CBR1: variants seen among roughly 807,000 people sequenced by gnomAD.
CBR1 encodes the protein carbonyl reductase 1.
A neutral mutation model predicts 10.6 loss-of-function variants in CBR1; 11 were observed. The observed-to-expected ratio is 1.03, with a 90% CI of 0.65 to 1.71. The LOEUF is 1.71. CBR1 is among the 40% of genes most tolerant of loss of function. CBR1 has a pLI of 0.00. For synonymous variants in CBR1, 158 were observed against 156.7 expected, an observed-to-expected ratio of 1.01 and a Z score of -0.06; for missense variants, 361 against 368.6, an observed-to-expected ratio of 0.98 and a Z score of 0.17.
In CBR1 at chr21:36,073,120, TAATG is replaced by T. The variant is rs1248290007; in HGVS notation, c.*245_*248del. On this transcript the variant is annotated 3_prime_UTR_variant, in exon 3 of 3. Coordinates refer to ENST00000290349, the MANE Select transcript of CBR1 (RefSeq NM_001757.4). ...GAGGAAAAATTGTAATTGATGAAAA[TAATG>T]AATGAAAATCAACAGATGAATAAAT... The T allele has an allele frequency of 4.1e-5, 17 of 416,950 alleles. No individual in the cohort carries two copies. Among genetic ancestry groups the T allele is most frequent in the Admixed American group, 2.8e-4 (7 of 25,244 alleles). The allele number at this position is 416,950 out of a possible 1,614,324, so 25.8% of individuals were successfully genotyped here.
At chr21:36,072,172 A>G in intron 2 of CBR1, 1 of 1,549,550 alleles carries the variant, frequency 6.5e-7, no homozygotes, top group Non-Finnish European at 8.7e-7. Flanking sequence ...CGTCCTGTTA[A>G]GTTGTGCTAC....
intron 1 of CBR1, 72 bp from the exon 2 acceptor site, chr21:36,070,878 T>TTTTTTATCA: frequency 1.1e-6 from 1 of 901,768 alleles, no homozygotes. Flanking sequence ...TTTTTTTTTT[T>TTTTTTATCA]TTAGTATCAT....
intron 1 of CBR1, among the ~76,000 whole-genome samples, 155 bp from the exon 2 acceptor site, chr21:36,070,795 T>C (rs112597619): frequency 2.4e-3 from 363 of 151,912 alleles, no homozygotes; most frequent in Non-Finnish European, 3.8e-3. Context: ...AACCAGGAGA[T>C]TGACATTGGC....
At chr21:36,072,108 G>C (rs2123837081) in intron 2 of CBR1, 1 of 1,503,484 alleles carries the variant, frequency 6.7e-7, no homozygotes, top group East Asian at 2.5e-5. Context: ...GCTTCGAGTT[G>C]GGTACTTGCA....
chr21:36,072,301 TC>T, intron 2 of CBR1, 144 bp from the exon 3 acceptor site: 1 of 1,559,516 alleles, frequency 6.4e-7, no homozygotes, highest in African/African-American at 1.4e-5. Flanking sequence ...CACCACACTT[TC>T]TATGCGTATT....
At chr21:36,072,039 C>T in intron 2 of CBR1, 1 of 1,500,102 alleles carries the variant, frequency 6.7e-7, no homozygotes, top group Non-Finnish European at 8.8e-7. Flanking sequence ...AGGAGATGAA[C>T]CCACCCATTA....
At chr21:36,071,936 T>G in intron 2 of CBR1, 1 of 1,536,158 alleles carries the variant, frequency 6.5e-7, no homozygotes, top group Non-Finnish European at 8.7e-7. Flanking sequence ...TGGGCCCATT[T>G]TAACTCCCCT....
chr21:36,070,859 T>A, intron 1 of CBR1, 91 bp from the exon 2 acceptor site: 1 of 438,382 alleles, frequency 2.3e-6, no homozygotes, highest in African/African-American at 3.7e-5. Flanking sequence ...CTAAGTTTTT[T>A]TTTTTTTTTT....
At chr21:36,072,391 C>T (rs1038384267) in intron 2 of CBR1, 55 bp from the exon 3 acceptor site, 1 of 1,613,810 alleles carries the variant, frequency 6.2e-7, no homozygotes, top group Non-Finnish European at 8.5e-7. Context: ...TGGCATTCAC[C>T]TCTCTACGGG....
At position 36,070,990 on chromosome 21, in the gene CBR1, G is replaced by A. The variant is rs981114222; in HGVS notation, c.330G>A (p.Thr110=). 6.2e-6 allele frequency: 10 copies of A among 1,613,032 alleles called. No individual in the cohort carries two copies. Among genetic ancestry groups the A allele is most frequent in the African/African-American group, 4.0e-5 (3 of 74,620 alleles). Residue 110 remains threonine (T), a synonymous_variant, in exon 2 of 3, where the codon ACG becomes ACA. Transcript: ENST00000290349. The part of the protein sequence containing the change: ...PTPFHIQAEV[T]MKTNFFGTRD... ...CCTTTCATATTCAAGCTGAAGTGACGATGAAAACAAATTTCTTTGGTACCC... is the reference window on the plus strand; with the variant it reads ...CCTTTCATATTCAAGCTGAAGTGACAATGAAAACAAATTTCTTTGGTACCC...
At chr21:36,070,469 G>T in intron 1 of CBR1, 65 bp downstream of exon 1, 1 of 1,495,216 alleles carries the variant, frequency 6.7e-7, no homozygotes, top group Admixed American at 2.1e-5. Flanking sequence ...GGCGTCTGCG[G>T]GGTCCATAAC....
At chr21:36,072,225 C>T in intron 2 of CBR1, 1 of 1,550,658 alleles carries the variant, frequency 6.4e-7, no homozygotes, top group Non-Finnish European at 8.7e-7. Flanking sequence ...GGCAGCTCTT[C>T]CAAATCTCAC....
chr21:36,071,080 C>G (rs779074269), intron 2 of CBR1, 23 bp downstream of exon 2: 11 of 1,494,896 alleles, frequency 7.4e-6, no homozygotes, highest in Non-Finnish European at 1.0e-5. Context: ...GGAAACAGCG[C>G]ACCTTCTCTT....
chr21:36,072,462 A>C lies in CBR1; in HGVS notation c.414A>C (p.Val138=). The change falls in exon 3 of 3, where the codon GTA becomes GTC. Residue 138 remains valine, a synonymous_variant. Transcript: ENST00000290349. ...GTATCTTAGGGAGAGTGGTGAACGT[A>C]TCTAGCATCATGAGCGTCAGAGCCC... The part of the protein sequence containing the change: ...LIKPQGRVVN[V]SSIMSVRALK... 1 of 1,614,110 alleles carries C rather than the reference A, an allele frequency of 6.2e-7. No individual in the cohort carries two copies. The highest frequency in any genetic ancestry group is 8.5e-7 in the Non-Finnish European group (1 of 1,180,000).
intron 2 of CBR1, 176 bp downstream of exon 2, chr21:36,071,233 T>A (rs775330867): frequency 2.8e-6 from 2 of 704,062 alleles, no homozygotes; most frequent in Non-Finnish European, 5.2e-6. Context: ...TGTCCTCACT[T>A]CTCCCACTCC....
At chr21:36,071,888 G>A in intron 2 of CBR1, 1 of 1,536,046 alleles carries the variant, frequency 6.5e-7, no homozygotes, top group Non-Finnish European at 8.7e-7. Flanking sequence ...CCTTAGCATG[G>A]TTCACAGAGA....
Position 36,070,186 on chromosome 21 carries a change from A to T in CBR1, c.71A>T (p.Asp24Val). ...GGCATCGGCTTGGCCATCGTGCGCG[A>T]CCTGTGCCGGCTGTTCTCGGGGGAC... ...NKGIGLAIVRDLCRLFSGDVV... is the reference protein window; with the variant it reads ...NKGIGLAIVRVLCRLFSGDVV... The change falls in exon 1 of 3, where the codon GAC becomes GTC. Residue 24 changes from aspartate to valine, a missense_variant. Physicochemically the swap from Asp to Val is radical, Grantham distance 152. Coordinates refer to ENST00000290349, the MANE Select transcript of CBR1 (RefSeq NM_001757.4). 1 of 1,600,700 alleles carries T rather than the reference A, an allele frequency of 6.2e-7. No homozygotes were observed. The highest frequency in any genetic ancestry group is 8.5e-7 in the Non-Finnish European group (1 of 1,174,688).
chr21:36,070,596 G>A (rs2065344845), intron 1 of CBR1, 192 bp downstream of exon 1: 1 of 594,328 alleles, frequency 1.7e-6, no homozygotes, highest in Non-Finnish European at 2.8e-6. Context: ...GGACTCTTGG[G>A]GATCTTTTTC....
In CBR1 at chr21:36,072,649, G is replaced by A. The variant is rs765253793; in HGVS notation, c.601G>A (p.Val201Ile). Reference protein sequence around the residue: ...SSAYGVTKIGVTVLSRIHARK... With the variant: ...SSAYGVTKIGITVLSRIHARK... ...CGCATACGGGGTGACGAAGATTGGC[G>A]TCACCGTTCTGTCCAGGATCCACGC... is the stretch of plus-strand genomic sequence containing the variant. Residue 201 changes from valine to isoleucine, a missense_variant, in exon 3 of 3, where the codon GTC becomes ATC. By Grantham distance (29) the Val-to-Ile change is conservative (BLOSUM62 3). Coordinates refer to ENST00000290349, the MANE Select transcript of CBR1 (RefSeq NM_001757.4). The A allele has an allele frequency of 2.0e-5, 32 of 1,611,976 alleles. No individual in the cohort carries two copies. Among genetic ancestry groups the A allele is most frequent in the Middle Eastern group, 1.6e-4 (1 of 6,068 alleles).
Sources: allele counts gnomAD v4.1 joint callset (sites outside exome capture counted in the v4.1 genomes callset), GRCh38; gene constraint gnomAD v4.1.1; transcripts MANE v1.5; gene names NCBI Gene and HGNC (gene_info 2026-07-23, HGNC 2026-07-21).